The following ACLY variants were observed in gnomAD, a reference collection of about 807,000 sequenced individuals.
The protein encoded by ACLY is ATP citrate lyase, also known as ATP-citrate synthase.
Under a neutral mutation model 133.0 loss-of-function variants are expected in ACLY, and 41 were observed. The ratio of observed to expected loss-of-function variants is 0.31; its 90% CI spans 0.24 to 0.40. ACLY has a LOEUF of 0.40. Ranked by LOEUF, ACLY falls within the 10% of genes least tolerant of loss-of-function variation. The pLI, the probability that ACLY is intolerant of heterozygous loss-of-function variation, is 1.00. For synonymous variants in ACLY, 495 were observed against 549.3 expected (o/e 0.90, Z 1.38); for missense variants, 1,046 against 1,453.8 (o/e 0.72, Z 4.56).
At chr17:41,928,981 G>C (rs1436208418) in intron 1 of ACLY, among the ~76,000 whole-genome samples, 1 of 151,522 alleles carries the variant, frequency 6.6e-6, no homozygotes, top group Non-Finnish European at 1.5e-5. Flanking sequence ...ACTCATCAAT[G>C]AGCCCACCTT....
chr17:41,871,657 C>T (rs1567882230), intron 25 of ACLY, 32 bp downstream of exon 25: 1 of 1,613,304 alleles, frequency 6.2e-7, no homozygotes, highest in South Asian at 1.1e-5. Flanking sequence ...GCCTGGCCTC[C>T]ATCCCACTTT....
intron 6 of ACLY, among the ~76,000 whole-genome samples, 178 bp from the exon 7 acceptor site, chr17:41,907,750 A>G (rs2049766267): frequency 6.6e-6 from 1 of 152,210 alleles, no homozygotes. Flanking sequence ...CATTAAAGGC[A>G]AAACAAATTC....
intron 16 of ACLY, among the ~76,000 whole-genome samples, chr17:41,891,112 G>A (rs1024386504): frequency 6.6e-6 from 1 of 152,246 alleles, no homozygotes; most frequent in South Asian, 2.1e-4. Flanking sequence ...ACAGCACACT[G>A]CAACCTCAAC....
intron 17 of ACLY, among the ~76,000 whole-genome samples, chr17:41,887,185 C>G (rs1555628363): frequency 6.9e-6 from 1 of 144,144 alleles, no homozygotes; most frequent in African/African-American, 2.6e-5. Flanking sequence ...ACACCTGTAA[C>G]TCCAGCACTT....
rs782302139 is a variant in ACLY, at chr17:41,892,455, AAAGT to A, written c.1602-12_1602-9del. ...TTCTGCTTGTGGTCCCCACTGTGAG[AAAGT>A]AAAAGAAGAATTAGGATATCCTCAA... On this transcript the variant is annotated splice_polypyrimidine_tract_variant and intron_variant, in intron 15 of 28. Coordinates refer to ENST00000352035, the MANE Select transcript of ACLY (RefSeq NM_001096.3). The A allele has an allele frequency of 2.5e-6, 4 of 1,611,632 alleles. No individual in the cohort carries two copies. The African/African-American group carries it at 4.0e-5, about 16-fold the overall frequency.
At chr17:41,868,824 G>GT (rs2048529619) in intron 27 of ACLY, 39 bp from the exon 28 acceptor site, 1 of 1,586,622 alleles carries the variant, frequency 6.3e-7, no homozygotes, top group African/African-American at 1.3e-5. Context: ...AAAGGCTCAC[G>GT]TGACTGCCCT....
At chr17:41,904,708 C>T in intron 10 of ACLY, 21 bp downstream of exon 10, 5 of 1,611,654 alleles carry the variant, frequency 3.1e-6, no homozygotes, top group Non-Finnish European at 4.2e-6. Context: ...CCAGAAACTG[C>T]ACCACTGTTG....
intron 1 of ACLY, among the ~76,000 whole-genome samples, chr17:41,924,092 A>G (rs953922117): frequency 5.9e-5 from 9 of 151,910 alleles, no homozygotes; most frequent in Admixed American, 5.3e-4. Flanking sequence ...TACAGGTGTG[A>G]GCCACCACGC....
At chr17:41,916,402 C>G (rs1387628398) in intron 1 of ACLY, among the ~76,000 whole-genome samples, 1 of 150,470 alleles carries the variant, frequency 6.6e-6, no homozygotes. Flanking sequence ...GAGAAGGACT[C>G]TGGCTCTGTC....
At chr17:41,905,899 A>G (rs1250779709) in intron 8 of ACLY, among the ~76,000 whole-genome samples, 1 of 152,230 alleles carries the variant, frequency 6.6e-6, no homozygotes, top group Non-Finnish European at 1.5e-5. Context: ...TGGACAGACA[A>G]TGGCAGGTAA....
chr17:41,923,487 T>C (rs1217126581), upstream of ACLY, among the ~76,000 whole-genome samples: 4 of 152,262 alleles, frequency 2.6e-5, no homozygotes, highest in African/African-American at 9.6e-5. Context: ...ACTAACCTAA[T>C]GATCTTCAGA....
rs140011228 is a variant in ACLY, at chr17:41,909,666, C to T, written c.380G>A (p.Arg127Gln). The T allele has an allele frequency of 4.1e-5, 66 of 1,614,028 alleles. No individual in the cohort carries two copies. Among genetic ancestry groups the T allele is most frequent in the African/African-American group, 1.6e-4 (12 of 74,916 alleles). The change falls in exon 5 of 29, where the codon CGA becomes CAA. Residue 127 changes from arginine (R) to glutamine (Q), a missense_variant. By Grantham distance (43) the Arg-to-Gln change is conservative. Transcript: ENST00000352035. ...GTGGAACAGGACGTAGTCCCCTTCTCGGGTGGCATAGATGCAGACATAGAA... is the reference window on the plus strand; with the variant it reads ...GTGGAACAGGACGTAGTCCCCTTCTTGGGTGGCATAGATGCAGACATAGAA... ...EEFYVCIYATREGDYVLFHHE... is the reference protein window; with the variant it reads ...EEFYVCIYATQEGDYVLFHHE...
At chr17:41,902,726 G>A (rs1437091864) in intron 10 of ACLY, among the ~76,000 whole-genome samples, 13 of 152,204 alleles carry the variant, frequency 8.5e-5, no homozygotes, top group African/African-American at 3.1e-4. Flanking sequence ...CAGCTCAGAA[G>A]TTAAATAAAA....
chr17:41,921,986 A>G (rs538788831), upstream of ACLY, among the ~76,000 whole-genome samples: 2 of 152,280 alleles, frequency 1.3e-5, no homozygotes, highest in South Asian at 4.1e-4. Context: ...ACTTGAGGCC[A>G]GGAGTTCGAG....
At chr17:41,883,936 A>G (rs2048986033) in intron 19 of ACLY, among the ~76,000 whole-genome samples, 1 of 152,068 alleles carries the variant, frequency 6.6e-6, no homozygotes, top group Admixed American at 6.6e-5. Flanking sequence ...CACCAGGTAG[A>G]GACCATGGCC....
At chr17:41,871,918 C>G in intron 24 of ACLY, 86 bp from the exon 25 acceptor site, 1 of 1,596,274 alleles carries the variant, frequency 6.3e-7, no homozygotes, top group East Asian at 2.2e-5. Context: ...CCGAACGGCC[C>G]TGAGCACTGG....
At chr17:41,905,916 C>T (rs923670675) in intron 8 of ACLY, among the ~76,000 whole-genome samples, 3 of 152,176 alleles carry the variant, frequency 2.0e-5, no homozygotes, top group Admixed American at 1.3e-4. Flanking sequence ...GTAAAATGAA[C>T]AATGAGCACC....
At chr17:41,925,429 T>C (rs2050231177) in intron 1 of ACLY, among the ~76,000 whole-genome samples, 1 of 111,608 alleles carries the variant, frequency 9.0e-6, no homozygotes, top group Non-Finnish European at 1.8e-5. Flanking sequence ...AAACACCTTC[T>C]CTACCAAAAA....
rs782577313 is a variant in ACLY, at chr17:41,886,052, C to T, written c.2072+60G>A. The stretch of plus-strand genomic sequence containing the variant: ...GCAAGCAGCCTGCAGGACACAGCAT[C>T]GTCTCCTAGCCCACTGCTCTCAAAG... On this transcript the variant is annotated intron_variant, in intron 18 of 28. Transcript: ENST00000352035. 127 of 1,530,420 alleles carry T rather than the reference C, an allele frequency of 8.3e-5. 1 individual carries two copies. Among genetic ancestry groups the T allele is most frequent in the Non-Finnish European group, 9.4e-5 (105 of 1,111,694 alleles). 94.8% of individuals were successfully genotyped at this position (1,530,420 alleles called of 1,614,324 possible).
Sources: allele counts gnomAD v4.1 joint callset (sites outside exome capture counted in the v4.1 genomes callset), GRCh38; gene constraint gnomAD v4.1.1; transcripts MANE v1.5; gene names NCBI Gene and HGNC (gene_info 2026-07-23, HGNC 2026-07-21).